Variants in MMS19 observed in about 807,000 individuals in gnomAD.
The protein encoded by MMS19 is MMS19 cytosolic iron-sulfur assembly component.
Under a neutral mutation model 129.8 loss-of-function variants are expected in MMS19, and 77 were observed. That is an observed-to-expected ratio of 0.59 (90% CI 0.49 to 0.72). The LOEUF (loss-of-function observed/expected upper bound fraction) is 0.72. Ranked by LOEUF, MMS19 falls within the 30% of genes least tolerant of loss-of-function variation. MMS19 has a pLI of 0.00. For synonymous variants in MMS19, 491 were observed against 502.8 expected (o/e 0.98, Z 0.31); for missense variants, 1,168 against 1,266.3 (o/e 0.92, Z 1.18).
Position 97,480,938 on chromosome 10 carries a change from G to C in MMS19, c.262+4C>G. 6.3e-7 allele frequency: 1 copy of C among 1,589,294 alleles called. No individual in the cohort carries two copies. Among genetic ancestry groups the C allele is most frequent in the Non-Finnish European group, 8.6e-7 (1 of 1,162,520 alleles). On this transcript the variant is annotated splice_donor_region_variant and intron_variant, in intron 3 of 30. Transcript: ENST00000438925. The stretch of plus-strand genomic sequence containing the variant: ...GAAGACATTCCTATTAGTGACACCA[G>C]TACCTTCCTTCTCCAGGAGCAAGGT...
chr10:97,472,468 G>C (rs2034921423), intron 8 of MMS19, among the ~76,000 whole-genome samples: 1 of 152,166 alleles, frequency 6.6e-6, no homozygotes, highest in Non-Finnish European at 1.5e-5. Context: ...TTGAACTCCT[G>C]ACCTCAGGTG....
At chr10:97,463,274 T>A (rs1048959952) in intron 19 of MMS19, among the ~76,000 whole-genome samples, 8 of 150,350 alleles carry the variant, frequency 5.3e-5, no homozygotes, top group African/African-American at 2.0e-4. Context: ...TGGGCTCAGG[T>A]GATCCTCCCA....
intron 1 of MMS19, among the ~76,000 whole-genome samples, chr10:97,494,641 T>A (rs963710785): frequency 1.1e-4 from 16 of 151,974 alleles, no homozygotes; most frequent in African/African-American, 3.1e-4. Flanking sequence ...TGAAGGAAAA[T>A]CCAAATAACT....
Position 97,463,909 on chromosome 10 carries a change from G to C in MMS19, c.1861C>G (p.Gln621Glu), listed in dbSNP as rs376209515. ...QDPESCWYFH[Q>E]TAIPCLLALA... ...GCAAGCAGGCAAGGTATAGCTGTCT[G>C]GTGGAAATACCAGCAACTCTCAGGG... The change falls in exon 19 of 31, where the codon CAG (glutamine) becomes GAG (glutamate). Residue 621 changes from glutamine to glutamate, a missense_variant. Coordinates refer to ENST00000438925, the MANE Select transcript of MMS19 (RefSeq NM_022362.5). 6.8e-6 allele frequency: 11 copies of C among 1,612,520 alleles called. No homozygotes were observed. The African/African-American group carries it at 1.5e-4, about 22-fold the overall frequency.
In MMS19 at chr10:97,477,411, C is replaced by T; in HGVS notation, c.429G>A (p.Leu143=). ...AIFQEVHVQS[L]PQVDRHTVYN... ...AGACTGTGTGTCGGTCCACCTGTGG[C>T]AGGGACTTGGGGGTGGGGGAGAAAG... Residue 143 remains leucine (L), a synonymous_variant, in exon 6 of 31, where the codon CTG becomes CTA. Coordinates refer to ENST00000438925, the MANE Select transcript of MMS19 (RefSeq NM_022362.5). 1.2e-6 allele frequency: 2 copies of T among 1,613,938 alleles called. No individual in the cohort carries two copies. The highest frequency in any genetic ancestry group is 1.7e-6 in the Non-Finnish European group (2 of 1,179,874).
chr10:97,498,209 T>C (rs907649138), intron 1 of MMS19, 64 bp downstream of exon 1: 53 of 1,446,408 alleles, frequency 3.7e-5, no homozygotes, highest in Non-Finnish European at 4.6e-5. Flanking sequence ...GCCCGGCGCC[T>C]GTACTGAGGC....
At chr10:97,473,944 A>G (rs1423149721) in intron 8 of MMS19, among the ~76,000 whole-genome samples, 4 of 152,020 alleles carry the variant, frequency 2.6e-5, no homozygotes, top group African/African-American at 4.8e-5. Flanking sequence ...GGAATTCAAG[A>G]CCAGCCTGGG....
Position 97,468,254 on chromosome 10 carries a change from G to A in MMS19, c.1216C>T (p.Gln406Ter). The change falls in exon 13 of 31, where the codon CAG becomes TAG. Residue 406 changes from glutamine to a stop codon, truncating the protein, a stop_gained and splice_region_variant. Transcript: ENST00000438925. LOFTEE classifies it high-confidence loss of function. Reference protein sequence around the residue: ...LLLEQFHKHSQSSQRRTILEM... With the variant: ...LLLEQFHKHS ...CCCCAAAGATTCTGCTCCCTTACCT[G>A]ACTGTGCTTGTGGAACTGTTCCAGC... The A allele has an allele frequency of 6.4e-7, 1 of 1,570,418 alleles. No homozygotes were observed. Among genetic ancestry groups the A allele is most frequent in the Non-Finnish European group, 8.7e-7 (1 of 1,151,890 alleles).
chr10:97,472,519 C>A (rs751435699), intron 8 of MMS19, among the ~76,000 whole-genome samples: 2 of 152,202 alleles, frequency 1.3e-5, no homozygotes, highest in South Asian at 2.1e-4. Flanking sequence ...AGATTACAGG[C>A]ATGAGCCACC....
chr10:97,488,596 T>C (rs2135520376), intron 1 of MMS19, among the ~76,000 whole-genome samples: 1 of 152,362 alleles, frequency 6.6e-6, no homozygotes, highest in African/African-American at 2.4e-5. Context: ...AAATCATCTC[T>C]AGATTACTCA....
At chr10:97,471,809 C>T (rs1017144003) in intron 8 of MMS19, among the ~76,000 whole-genome samples, 2 of 152,188 alleles carry the variant, frequency 1.3e-5, no homozygotes, top group African/African-American at 4.8e-5. Flanking sequence ...CCGAACCTGG[C>T]CTGGTTTCTG....
At chr10:97,496,511 C>CAAAAAAA in intron 1 of MMS19, among the ~76,000 whole-genome samples, 1 of 108,052 alleles carries the variant, frequency 9.3e-6, no homozygotes, top group Non-Finnish European at 2.0e-5. Flanking sequence ...GACCTTGTCT[C>CAAAAAAA]AAAAAAAAAA....
At chr10:97,476,997 C>T in intron 6 of MMS19, 34 bp from the exon 7 acceptor site, 1 of 1,612,274 alleles carries the variant, frequency 6.2e-7, no homozygotes, top group Non-Finnish European at 8.5e-7. Flanking sequence ...CTATACTGTC[C>T]CACAGCACAG....
chr10:97,469,107 G>C lies in MMS19; in HGVS notation c.925-3C>G, dbSNP rs1168371292. Reference sequence around the variant, plus strand: ...CGCTCACTTGCCGTCTGGAACACCTGTCAGGGAGGGATCCCATGGCTACTG... The same window carrying C: ...CGCTCACTTGCCGTCTGGAACACCTCTCAGGGAGGGATCCCATGGCTACTG... On this transcript the variant is annotated splice_polypyrimidine_tract_variant and splice_region_variant and intron_variant, in intron 11 of 30. Transcript: ENST00000438925. 2.5e-6 allele frequency: 4 copies of C among 1,570,692 alleles called. No homozygotes were observed. The highest frequency in any genetic ancestry group is 1.3e-5 in the African/African-American group (1 of 74,262).
At chr10:97,473,198 G>A (rs1237461652) in intron 8 of MMS19, among the ~76,000 whole-genome samples, 1 of 151,948 alleles carries the variant, frequency 6.6e-6, no homozygotes, top group Non-Finnish European at 1.5e-5. Context: ...ACCACGCCTA[G>A]CTAATTTTTG....
chr10:97,480,224 G>C (rs1369124597), intron 3 of MMS19: 1 of 461,162 alleles, frequency 2.2e-6, no homozygotes, highest in East Asian at 7.0e-5. Context: ...GCCTCCTCCA[G>C]CTTCTGGATA....
At chr10:97,486,387 G>T (rs2037846602) in intron 1 of MMS19, among the ~76,000 whole-genome samples, 1 of 152,112 alleles carries the variant, frequency 6.6e-6, no homozygotes, top group South Asian at 2.1e-4. Flanking sequence ...CGCCATGTTG[G>T]CCAGGCTGGT....
At chr10:97,497,032 C>A (rs912032429) in intron 1 of MMS19, among the ~76,000 whole-genome samples, 1 of 152,168 alleles carries the variant, frequency 6.6e-6, no homozygotes, top group Non-Finnish European at 1.5e-5. Context: ...AGACACTGTA[C>A]TTGTAAATTG....
At chr10:97,468,460 C>A in intron 12 of MMS19, 54 bp from the exon 13 acceptor site, 2 of 1,506,776 alleles carry the variant, frequency 1.3e-6, no homozygotes, top group African/African-American at 2.8e-5. Context: ...GTGCCTGACT[C>A]CCCTACAGTC....
Sources: allele counts gnomAD v4.1 joint callset (sites outside exome capture counted in the v4.1 genomes callset), GRCh38; gene constraint gnomAD v4.1.1; transcripts MANE v1.5; gene names NCBI Gene and HGNC (gene_info 2026-07-23, HGNC 2026-07-21).